Variants in STK32B observed in about 807,000 individuals in gnomAD.
The protein encoded by STK32B is serine/threonine kinase 32B.
Under a neutral mutation model 52.6 loss-of-function variants are expected in STK32B, and 43 were observed. The ratio of observed to expected loss-of-function variants is 0.82; its 90% CI spans 0.64 to 1.05. The LOEUF is 1.05. STK32B is among the 50% of genes least tolerant of loss of function. STK32B has a pLI of 0.00. For synonymous variants in STK32B, 238 were observed against 204.3 expected, an observed-to-expected ratio of 1.17 and a Z score of -1.41; for missense variants, 621 against 534.6, an observed-to-expected ratio of 1.16 and a Z score of -1.59.
chr4:5,099,821 A>T (rs1235766300), intron 1 of STK32B, among the ~76,000 whole-genome samples: 1 of 151,964 alleles, frequency 6.6e-6, no homozygotes, highest in Non-Finnish European at 1.5e-5. Flanking sequence ...TCTGCTCATG[A>T]GCTCCCGGGT....
chr4:5,456,956 G>A, intron 8 of STK32B, 33 bp downstream of exon 8: 7 of 1,466,222 alleles, frequency 4.8e-6, no homozygotes, highest in Non-Finnish European at 6.4e-6. Flanking sequence ...GCCCCGCCAG[G>A]GAGCTACGGT....
At chr4:5,402,870 G>A (rs1737407660) in intron 5 of STK32B, among the ~76,000 whole-genome samples, 1 of 152,148 alleles carries the variant, frequency 6.6e-6, no homozygotes, top group Admixed American at 6.5e-5. Context: ...AGGGCTTCCT[G>A]GAGGAAGGGA....
At chr4:5,440,782 A>G (rs1437970621) in intron 6 of STK32B, among the ~76,000 whole-genome samples, 1 of 152,076 alleles carries the variant, frequency 6.6e-6, no homozygotes, top group Non-Finnish European at 1.5e-5. Flanking sequence ...ATGTCCCATC[A>G]TTACCTAATT....
At chr4:5,307,000 A>G (rs914472505) in intron 3 of STK32B, among the ~76,000 whole-genome samples, 1 of 152,206 alleles carries the variant, frequency 6.6e-6, no homozygotes, top group African/African-American at 2.4e-5. Flanking sequence ...TTCTGCTAAG[A>G]AATCTGCTGT....
chr4:5,347,988 A>G (rs1476859217), intron 4 of STK32B, among the ~76,000 whole-genome samples: 1 of 152,198 alleles, frequency 6.6e-6, no homozygotes, highest in Non-Finnish European at 1.5e-5. Context: ...AGAGGAAACA[A>G]AATAATGAGT....
intron 4 of STK32B, among the ~76,000 whole-genome samples, chr4:5,361,380 T>G (rs544322059): frequency 6.6e-6 from 1 of 152,354 alleles, no homozygotes; most frequent in South Asian, 2.1e-4. Context: ...TTTAATTTTC[T>G]ATTTTTATTT....
At chr4:5,284,627 T>TTATAACTGCA (rs200428569) in intron 3 of STK32B, among the ~76,000 whole-genome samples, 1,732 of 152,276 alleles carry the variant, frequency 0.011, 22 homozygotes, top group South Asian at 0.057. Context: ...TAGTGTGAAA[T>TTATAACTGCA]TATAACTGCA....
intron 4 of STK32B, among the ~76,000 whole-genome samples, chr4:5,338,511 G>T (rs1732855999): frequency 6.6e-6 from 1 of 152,156 alleles, no homozygotes; most frequent in Admixed American, 6.5e-5. Context: ...ATGAATTACT[G>T]TAGCCATTCA....
chr4:5,022,817 G>A, the STK32B span, among the ~76,000 whole-genome samples: 1 of 152,164 alleles, frequency 6.6e-6, no homozygotes, highest in South Asian at 2.1e-4. Flanking sequence ...AAAAGACAGT[G>A]AATGACAGAG....
At chr4:5,070,542 C>T (rs1711703663) in intron 1 of STK32B, among the ~76,000 whole-genome samples, 1 of 152,058 alleles carries the variant, frequency 6.6e-6, no homozygotes, top group South Asian at 2.1e-4. Context: ...CGTGTAGAAG[C>T]CCAAACTCTG....
At chr4:5,242,323 G>A (rs1204747436) in intron 3 of STK32B, among the ~76,000 whole-genome samples, 2 of 152,166 alleles carry the variant, frequency 1.3e-5, no homozygotes, top group African/African-American at 2.4e-5. Context: ...TTTTCTGATG[G>A]CCAGTGATGA....
chr4:5,290,671 G>A (rs1276473254), intron 3 of STK32B, among the ~76,000 whole-genome samples: 1 of 151,700 alleles, frequency 6.6e-6, no homozygotes, highest in Non-Finnish European at 1.5e-5. Flanking sequence ...AAGGATACAT[G>A]TGCTGAATGT....
chr4:5,196,491 G>C (rs1054087815), intron 3 of STK32B, among the ~76,000 whole-genome samples: 4 of 151,860 alleles, frequency 2.6e-5, no homozygotes, highest in African/African-American at 7.3e-5. Flanking sequence ...AGGAGGCCAC[G>C]GTGCGTAGAT....
chr4:5,312,379 T>C (rs1730354702), intron 3 of STK32B, among the ~76,000 whole-genome samples: 1 of 152,076 alleles, frequency 6.6e-6, no homozygotes, highest in South Asian at 2.1e-4. Context: ...GCTGGTGTGC[T>C]GCACCCATTA....
Position 5,051,729 on chromosome 4 carries a change from G to C in STK32B, c.-135G>C. On this transcript the variant is annotated 5_prime_UTR_variant, in exon 1 of 12. Transcript: ENST00000282908. ...CGTCCCCGCCCCTGCACGGTGCTCG[G>C]CCCCCTCGGGCTCCGCGCGCGGCTA... 1 of 1,201,866 alleles carries C rather than the reference G, an allele frequency of 8.3e-7. No individual in the cohort carries two copies. The highest frequency in any genetic ancestry group is 1.5e-5 in the South Asian group (1 of 66,660). The allele number at this position is 1,201,866 out of a possible 1,614,324, so 74.5% of individuals were successfully genotyped here. A position where few individuals can be genotyped will look rare whatever the true frequency, so the allele number is the denominator to read the frequency against.
chr4:5,485,081 C>G (rs1274504909), intron 11 of STK32B, among the ~76,000 whole-genome samples: 2 of 152,074 alleles, frequency 1.3e-5, no homozygotes, highest in Non-Finnish European at 1.5e-5. Flanking sequence ...AGTTGCTCTT[C>G]TCGTGGAGTA....
At chr4:5,432,731 CTTCA>C (rs2109093812) in intron 6 of STK32B, among the ~76,000 whole-genome samples, 1 of 152,242 alleles carries the variant, frequency 6.6e-6, no homozygotes, top group African/African-American at 2.4e-5. Context: ...AAAGCTTGAA[CTTCA>C]TTCATAGTAA....
rs931179813 is a variant in STK32B at position 5,170,405 on chromosome 4, C to A, written c.260+1955C>A. ...ACATGTGACTTGTTGGTGTGCTGCA[C>A]CCATTAACTCGTCATTTAACATTAG... On this transcript the variant is annotated intron_variant, in intron 3 of 11. Coordinates refer to ENST00000282908, the MANE Select transcript of STK32B (RefSeq NM_018401.3). 1.4e-3 allele frequency among the ~76,000 whole-genome samples: 219 copies of A among 152,190 alleles called. 2 individuals carry two copies. Among genetic ancestry groups the A allele is most frequent in the African/African-American group, 5.0e-3 (206 of 41,520 alleles).
At chr4:5,497,356 C>T (rs974364870) in intron 11 of STK32B, among the ~76,000 whole-genome samples, 1 of 152,202 alleles carries the variant, frequency 6.6e-6, no homozygotes, top group Non-Finnish European at 1.5e-5. Flanking sequence ...TATATATTTA[C>T]TAAGAAGGAT....
Sources: gnomAD v4.1 joint callset for allele counts (sites outside exome capture counted in the v4.1 genomes callset) on GRCh38, gnomAD v4.1.1 for gene constraint, MANE v1.5 for transcripts, NCBI Gene and HGNC (gene_info 2026-07-23, HGNC 2026-07-21) for gene names.